The following SATB2 variants were observed in gnomAD, a reference collection of about 807,000 sequenced individuals.
The protein encoded by SATB2 is SATB homeobox 2, also known as DNA-binding protein SATB2.
Under a neutral mutation model 73.4 loss-of-function variants are expected in SATB2, and 1 was observed. The ratio of observed to expected loss-of-function variants is 0.01; its 90% CI spans 0.00 to 0.06. SATB2 has a LOEUF of 0.06. Ranked by LOEUF, SATB2 falls within the 10% of genes least tolerant of loss-of-function variation. The pLI is 1.00. For synonymous variants in SATB2, 397 were observed against 367.0 expected, an observed-to-expected ratio of 1.08 and a Z score of -0.93; for missense variants, 459 against 945.8, an observed-to-expected ratio of 0.49 and a Z score of 6.75.
intron 7 of SATB2, among the ~76,000 whole-genome samples, chr2:199,341,543 C>A (rs552126513): frequency 7.0e-4 from 106 of 152,310 alleles, no homozygotes; most frequent in African/African-American, 2.4e-3. Context: ...TCTCTTTCCT[C>A]CACATTCAAT....
intron 5 of SATB2, among the ~76,000 whole-genome samples, chr2:199,379,500 G>C (rs1029318283): frequency 2.0e-5 from 3 of 152,010 alleles, no homozygotes; most frequent in Middle Eastern, 3.2e-3. Flanking sequence ...TTGAAACAGG[G>C]GGGTGGGGAG....
At chr2:199,421,693 T>C (rs747467301) in intron 3 of SATB2, among the ~76,000 whole-genome samples, 1 of 152,154 alleles carries the variant, frequency 6.6e-6, no homozygotes, top group Non-Finnish European at 1.5e-5. Flanking sequence ...ACAAGACAAT[T>C]ACAAAAACAA....
upstream of SATB2, among the ~76,000 whole-genome samples, chr2:199,461,546 A>G (rs997815219): frequency 6.6e-6 from 1 of 152,202 alleles, no homozygotes; most frequent in East Asian, 1.9e-4. Context: ...TCTAAAACCC[A>G]TTTTGTGCAT....
intron 5 of SATB2, among the ~76,000 whole-genome samples, chr2:199,375,406 C>T (rs1045517612): frequency 1.1e-4 from 17 of 152,174 alleles, no homozygotes; most frequent in African/African-American, 4.1e-4. Flanking sequence ...GACACACAAC[C>T]ACAATCTGTA....
intron 3 of SATB2, among the ~76,000 whole-genome samples, chr2:199,392,149 C>T (rs559949352): frequency 1.3e-5 from 2 of 152,132 alleles, no homozygotes; most frequent in Non-Finnish European, 2.9e-5. Context: ...CAGATTTGGA[C>T]ATCACTGCCC....
At chr2:199,318,328 C>T (rs1687791491) in intron 9 of SATB2, among the ~76,000 whole-genome samples, 2 of 152,010 alleles carry the variant, frequency 1.3e-5, no homozygotes, top group Admixed American at 6.6e-5. Flanking sequence ...AACATTAAAG[C>T]ACTTTTTGTG....
chr2:199,429,005 CAA>C (rs575684723), intron 3 of SATB2, among the ~76,000 whole-genome samples: 10 of 62,652 alleles, frequency 1.6e-4, no homozygotes, highest in African/African-American at 2.0e-4. Context: ...GACTCTGTCT[CAA>C]AAAAAAAAAA....
At chr2:199,368,897 T>C (rs1559008631) in intron 5 of SATB2, 190 bp from the exon 6 acceptor site, 13 of 500,378 alleles carry the variant, frequency 2.6e-5, no homozygotes, top group South Asian at 2.6e-4. Context: ...TATACAATGA[T>C]AGTGCTTTCT....
chr2:199,378,876 G>C (rs185051685), intron 5 of SATB2, among the ~76,000 whole-genome samples: 2 of 152,274 alleles, frequency 1.3e-5, no homozygotes, highest in Non-Finnish European at 2.9e-5. Context: ...AGGTTATAGA[G>C]GCTTGTCAAC....
At chr2:199,444,829 A>G (rs1053966015) in intron 2 of SATB2, among the ~76,000 whole-genome samples, 1 of 152,222 alleles carries the variant, frequency 6.6e-6, no homozygotes, top group Non-Finnish European at 1.5e-5. Context: ...GACAGTTTCT[A>G]TAAGTTCATT....
chr2:199,470,958 C>G (rs1343480338), intron 1 of SATB2: 1 of 152,460 alleles, frequency 6.6e-6, no homozygotes, highest in African/African-American at 2.4e-5. Context: ...TGACCCAAGA[C>G]GCGGGAGAGA....
At chr2:199,397,626 C>G (rs1198646590) in intron 3 of SATB2, 1 of 204,056 alleles carries the variant, frequency 4.9e-6, no homozygotes, top group Non-Finnish European at 1.0e-5. Flanking sequence ...CGATGGCTCA[C>G]GCCTGTAATC....
upstream of SATB2, chr2:199,458,577 T>C (rs1272222640): frequency 2.4e-6 from 1 of 425,256 alleles, no homozygotes; most frequent in Non-Finnish European, 4.7e-6. Flanking sequence ...GCCCAGCCCC[T>C]AGGCGCACTC....
At chr2:199,418,518 TCA>T (rs1168606963) in intron 3 of SATB2, among the ~76,000 whole-genome samples, 1 of 152,220 alleles carries the variant, frequency 6.6e-6, no homozygotes, top group African/African-American at 2.4e-5. Flanking sequence ...TGAAATTTTT[TCA>T]CATTTTATTA....
chr2:199,455,778 ACC>A lies in SATB2; in HGVS notation c.169+89_169+90del, dbSNP rs1409495596. 1.1e-3 allele frequency: 1,513 copies of A among 1,420,970 alleles called. 4 individuals carry two copies. Among genetic ancestry groups the A allele is most frequent in the Non-Finnish European group, 1.4e-3 (1,464 of 1,044,640 alleles). 88.0% of individuals were successfully genotyped at this position (1,420,970 alleles called of 1,614,324 possible). A position where few individuals can be genotyped will look rare whatever the true frequency, so the allele number is the denominator to read the frequency against. ...TGGAATTCACTTCCTGTAATCCTAC[ACC>A]GCGACAGCGCCTAATCAACCTGAAC... On this transcript the variant is annotated intron_variant, in intron 2 of 10. Transcript: ENST00000417098. The surrounding 1 kb of genome is among the most constrained non-coding windows in gnomAD (Gnocchi z 4.1).
intron 6 of SATB2, among the ~76,000 whole-genome samples, chr2:199,355,615 G>C (rs1574540378): frequency 2.0e-5 from 3 of 151,928 alleles, no homozygotes; most frequent in Admixed American, 2.0e-4. Flanking sequence ...TCAAAGGCCT[G>C]GGTTATAACT....
intron 3 of SATB2, among the ~76,000 whole-genome samples, chr2:199,402,907 A>C (rs997133788): frequency 6.6e-6 from 1 of 152,236 alleles, no homozygotes; most frequent in African/African-American, 2.4e-5. Flanking sequence ...AATCAGGACA[A>C]TGAAGCTCTT....
rs972813079 is a variant in SATB2, at chr2:199,464,297, G to C, written c.-141+539C>G. On this transcript the variant is annotated intron_variant, in intron 1 of 11. Coordinates refer to the SATB2 transcript ENST00000260926. The surrounding 1 kb of genome is among the most constrained non-coding windows in gnomAD (Gnocchi z 6.6). ...GCCCAGAGGAACAGGGCATCGCCTC[G>C]CGCGGTCCCGGAGCCACATCCGGAC... Among the ~76,000 whole-genome samples the C allele has an allele frequency of 6.6e-6, 1 of 152,142 alleles. No individual in the cohort carries two copies. Among genetic ancestry groups the C allele is most frequent in the African/African-American group, 2.4e-5 (1 of 41,428 alleles).
chr2:199,441,035 C>T (rs1691801234), intron 2 of SATB2, among the ~76,000 whole-genome samples: 2 of 151,832 alleles, frequency 1.3e-5, no homozygotes, highest in African/African-American at 2.4e-5. Flanking sequence ...TTTGTAGAGA[C>T]AGGGTTTCTC....
Sources: allele counts gnomAD v4.1 joint callset (sites outside exome capture counted in the v4.1 genomes callset), GRCh38; gene constraint gnomAD v4.1.1; non-coding constraint Gnocchi (gnomAD v3.1); transcripts MANE v1.5; gene names NCBI Gene and HGNC (gene_info 2026-07-23, HGNC 2026-07-21).